Variants in DYDC1 observed in about 807,000 individuals in gnomAD.
DYDC1 encodes the protein DPY30 domain containing 1.
DYDC1 carries 21 observed loss-of-function variants against 27.9 expected under a neutral mutation model. The ratio of observed to expected loss-of-function variants is 0.75; its 90% CI spans 0.53 to 1.08. The LOEUF (loss-of-function observed/expected upper bound fraction) is 1.08. DYDC1 is among the 50% of genes least tolerant of loss of function. The probability of loss-of-function intolerance (pLI) is 0.00; values close to 1 mark genes in which losing one functional copy is unlikely to be tolerated. For synonymous variants in DYDC1, 67 were observed against 65.8 expected (o/e 1.02, Z -0.09); for missense variants, 202 against 205.9 (o/e 0.98, Z 0.12).
chr10:80,352,674 G>C (rs1355166168), intron 1 of DYDC1, 64 bp from the exon 2 acceptor site: 1 of 1,506,708 alleles, frequency 6.6e-7, no homozygotes, highest in Non-Finnish European at 8.9e-7. Context: ...TAAAACTAAA[G>C]TCCAGTGAGG....
intron 4 of DYDC1, 121 bp from the exon 5 acceptor site, chr10:80,339,274 C>T (rs1842237683): frequency 2.5e-6 from 1 of 403,800 alleles, no homozygotes; most frequent in African/African-American, 2.1e-5. Context: ...AATGCTGTCA[C>T]TCTGAAAGAG....
chr10:80,336,480 G>A lies in DYDC1; in HGVS notation c.505-295C>T, dbSNP rs1332645830. On this transcript the variant is annotated intron_variant, in intron 6 of 6. Coordinates refer to ENST00000372202, the MANE Select transcript of DYDC1 (RefSeq NM_001269053.2). ...TTAGAATTGCTAATGGTTCCTCCCT[G>A]AGCCCCCAGGCCTTCACACACTGCA... is the stretch of plus-strand genomic sequence containing the variant. 7.3e-6 allele frequency: 3 copies of A among 409,166 alleles called. No individual in the cohort carries two copies. In the East Asian group the frequency reaches 4.8e-4, roughly 65 times the overall value. 25.3% of individuals were successfully genotyped at this position (409,166 alleles called of 1,614,324 possible). A position where few individuals can be genotyped will look rare whatever the true frequency, so the allele number is the denominator to read the frequency against.
intron 1 of DYDC1, chr10:80,356,244 T>G (rs1285862088): frequency 2.0e-6 from 2 of 985,150 alleles, no homozygotes; most frequent in African/African-American, 3.5e-5. Flanking sequence ...ATGTTATTTT[T>G]CACATACACC....
In DYDC1 at chr10:80,356,505, A is replaced by C. The variant is rs2132869290; in HGVS notation, c.-10+207T>G. On this transcript the variant is annotated intron_variant, in intron 1 of 6. Coordinates refer to ENST00000372202, the MANE Select transcript of DYDC1 (RefSeq NM_001269053.2). ...TCTGGAAGGGTCTCCCGCAGCCCGC[A>C]GGAGACGCAGCGCTCCCCGCTCAGG... 3 of 985,440 alleles carry C rather than the reference A, an allele frequency of 3.0e-6. No homozygotes were observed. In the South Asian group the frequency reaches 1.4e-4, roughly 46 times the overall value. 61.0% of individuals were successfully genotyped at this position (985,440 alleles called of 1,614,324 possible).
chr10:80,347,063 G>C (rs564984067), intron 3 of DYDC1, among the ~76,000 whole-genome samples: 4 of 151,412 alleles, frequency 2.6e-5, no homozygotes, highest in South Asian at 2.1e-4. Flanking sequence ...CTGGGTGAAA[G>C]AGCGAGACTC....
chr10:80,352,041 C>T lies in DYDC1; in HGVS notation c.148-39G>A, dbSNP rs199668374. On this transcript the variant is annotated intron_variant, in intron 2 of 6. Transcript: ENST00000372202. ...AAAACAACAGCACACGACTTCTTAG[C>T]GAGAAAGCAATTTGTAAAAGCAATC... is the stretch of plus-strand genomic sequence containing the variant. The T allele has an allele frequency of 3.8e-5, 61 of 1,593,602 alleles. No individual in the cohort carries two copies. The South Asian group carries it at 5.6e-4, about 15-fold the overall frequency.
intron 4 of DYDC1, among the ~76,000 whole-genome samples, chr10:80,340,737 C>T (rs150452111): frequency 1.8e-3 from 281 of 151,998 alleles, no homozygotes; most frequent in African/African-American, 6.4e-3. Context: ...TACATATTTA[C>T]GATGTACATG....
chr10:80,341,514 T>C (rs1332260680), intron 4 of DYDC1, among the ~76,000 whole-genome samples: 3 of 150,550 alleles, frequency 2.0e-5, no homozygotes, highest in Admixed American at 6.6e-5. Flanking sequence ...AAAGTCCATG[T>C]ATGAACATAT....
At chr10:80,343,083 A>G (rs947430865) in intron 3 of DYDC1, among the ~76,000 whole-genome samples, 8 of 152,294 alleles carry the variant, frequency 5.3e-5, no homozygotes, top group Admixed American at 3.3e-4. Context: ...GTCACACTAG[A>G]ATAGGGTTCA....
At chr10:80,352,694 C>CATA in intron 1 of DYDC1, 84 bp from the exon 2 acceptor site, 2 of 1,438,474 alleles carry the variant, frequency 1.4e-6, no homozygotes, top group Non-Finnish European at 1.8e-6. Context: ...GTGAACAAAG[C>CATA]CTTACATACA....
chr10:80,338,023 A>C, intron 6 of DYDC1: 2 of 946,820 alleles, frequency 2.1e-6, no homozygotes, highest in Non-Finnish European at 2.5e-6. Context: ...CTTATTCACC[A>C]CAGCATCAGG....
chr10:80,352,838 C>T, intron 1 of DYDC1: 1 of 393,528 alleles, frequency 2.5e-6, no homozygotes, highest in East Asian at 4.1e-5. Context: ...CTGAAGGACT[C>T]TCAAGTCCAA....
chr10:80,341,224 C>T (rs540005345), intron 4 of DYDC1, among the ~76,000 whole-genome samples: 2 of 151,598 alleles, frequency 1.3e-5, no homozygotes, highest in African/African-American at 4.8e-5. Context: ...AAACTAGAGA[C>T]CTGACATGAT....
chr10:80,354,003 C>A (rs1843177639), intron 1 of DYDC1, among the ~76,000 whole-genome samples: 1 of 151,894 alleles, frequency 6.6e-6, no homozygotes, highest in African/African-American at 2.4e-5. Context: ...GTAGTCCCAG[C>A]TACTTGGGAG....
chr10:80,339,069 A>T, intron 5 of DYDC1, 28 bp downstream of exon 5: 1 of 1,280,198 alleles, frequency 7.8e-7, no homozygotes, highest in Non-Finnish European at 1.1e-6. Context: ...TTCATTTCAC[A>T]TAACATAGAA....
At chr10:80,347,102 G>A (rs1842689268) in intron 3 of DYDC1, among the ~76,000 whole-genome samples, 3 of 151,446 alleles carry the variant, frequency 2.0e-5, no homozygotes, top group African/African-American at 7.3e-5. Flanking sequence ...AAAAAAAGCA[G>A]CCATCCTAAT....
At chr10:80,356,553 G>A (rs1843379837) in intron 1 of DYDC1, 159 bp downstream of exon 1, 10 of 985,506 alleles carry the variant, frequency 1.0e-5, no homozygotes, top group Non-Finnish European at 1.1e-5. Flanking sequence ...ACAGCTGGCC[G>A]CTTTCGGGAG....
intron 1 of DYDC1, 67 bp from the exon 2 acceptor site, chr10:80,352,677 C>T (rs1229760639): frequency 6.6e-7 from 1 of 1,505,256 alleles, no homozygotes; most frequent in Non-Finnish European, 8.9e-7. Flanking sequence ...AACTAAAGTC[C>T]AGTGAGGTGA....
intron 3 of DYDC1, among the ~76,000 whole-genome samples, chr10:80,346,440 C>CTTTTTTT (rs370935161): frequency 1.1e-5 from 1 of 92,416 alleles, no homozygotes; most frequent in African/African-American, 6.1e-5. Flanking sequence ...TGTCTCTTCC[C>CTTTTTTT]TTTCTTTTTT....
Sources: allele counts gnomAD v4.1 joint callset (sites outside exome capture counted in the v4.1 genomes callset), GRCh38; gene constraint gnomAD v4.1.1; transcripts MANE v1.5; gene names NCBI Gene and HGNC (gene_info 2026-07-23, HGNC 2026-07-21).